MCM4: variants seen among roughly 807,000 people sequenced by gnomAD.
MCM4 encodes the protein minichromosome maintenance complex component 4.
Under a neutral mutation model 88.7 loss-of-function variants are expected in MCM4, and 60 were observed. The observed-to-expected ratio is 0.68, with a 90% CI of 0.55 to 0.84. The LOEUF (loss-of-function observed/expected upper bound fraction) is 0.84, where lower values mean the gene tolerates loss of function less well. Among genes scored for constraint, MCM4 ranks in the 40% least tolerant of loss-of-function variants. The pLI, the probability that MCM4 is intolerant of heterozygous loss-of-function variation, is 0.00. For missense variants in MCM4, 1,149 were observed against 1,105.5 expected (o/e 1.04, Z -0.56); for synonymous variants, 465 against 410.5 (o/e 1.13, Z -1.61).
intron 3 of MCM4, 62 bp from the exon 4 acceptor site, chr8:47,961,991 G>T: frequency 6.7e-7 from 1 of 1,485,592 alleles, no homozygotes; most frequent in Non-Finnish European, 9.4e-7. Flanking sequence ...TAGATCAACA[G>T]ACAACATGCT....
At position 47,961,708 on chromosome 8, in the gene MCM4, T is replaced by C. The variant is rs1452799317; in HGVS notation, c.235+28T>C. On this transcript the variant is annotated intron_variant, in intron 3 of 16. Transcript: ENST00000649973. Reference sequence around the variant, plus strand: ...GCGTGTCTGAAGATCTTGGTTTTGCTGTGCTTGATACACAGCTGATGCTTT... The same window carrying C: ...GCGTGTCTGAAGATCTTGGTTTTGCCGTGCTTGATACACAGCTGATGCTTT... 5.0e-6 allele frequency: 8 copies of C among 1,586,322 alleles called. No homozygotes were observed. In the Admixed American group the frequency reaches 8.7e-5, roughly 17 times the overall value.
intron 13 of MCM4, among the ~76,000 whole-genome samples, chr8:47,971,875 T>A (rs988815193): frequency 6.6e-6 from 1 of 152,224 alleles, no homozygotes; most frequent in African/African-American, 2.4e-5. Context: ...TTGCTTTTTT[T>A]TCTTTTTTTT....
rs1253306492 is a variant in MCM4 at position 47,972,975 on chromosome 8, G to C, written c.2047G>C (p.Asp683His). Residue 683 changes from aspartate (D) to histidine (H), a missense_variant, in exon 14 of 17, where the codon GAC becomes CAC. Around this residue, in one of 3 missense-constraint regions of MCM4, gnomAD observed 238 missense variants for 241.6 expected, o/e 0.99. Coordinates refer to ENST00000649973, the MANE Select transcript of MCM4 (RefSeq NM_182746.3). The stretch of plus-strand genomic sequence containing the variant: ...GGAGCAGGCAGAGGAGGAGCTCCTG[G>C]ACATGGCGGTGCTAAAGGACTACAT... Reference protein sequence around the residue: ...SEEQAEEELLDMAVLKDYIAY... With the variant: ...SEEQAEEELLHMAVLKDYIAY... The C allele has an allele frequency of 6.2e-7, 1 of 1,614,158 alleles. No individual in the cohort carries two copies.
rs984758007 is a variant in MCM4, at chr8:47,962,816, G to A, written c.554G>A (p.Gly185Asp). Reference sequence around the variant, plus strand: ...CTGGCTAAAGAAGAAGAAAATGTTGGCATAGATATTACTGAACCTCTATAC... The same window carrying A: ...CTGGCTAAAGAAGAAGAAAATGTTGACATAGATATTACTGAACCTCTATAC... ...DPLAKEEENV[G>D]IDITEPLYMQ... The change falls in exon 6 of 17, where the codon GGC (glycine) becomes GAC (aspartate). Residue 185 changes from glycine to aspartate, a missense_variant. This residue lies in a region of MCM4 where 906 missense variants were observed against 843.0 expected (regional missense o/e 1.07). Coordinates refer to ENST00000649973, the MANE Select transcript of MCM4 (RefSeq NM_182746.3). The A allele has an allele frequency of 6.2e-7, 1 of 1,609,412 alleles. No homozygotes were observed.
In MCM4 at chr8:47,967,540, T is replaced by C. The variant is rs553324106; in HGVS notation, c.1174+55T>C. On this transcript the variant is annotated intron_variant, in intron 10 of 16. Transcript: ENST00000649973. Reference sequence around the variant, plus strand: ...AGCATGTCTGGCTTGCTTTCAATGCTGTGCTTTAGTGAGTCATTGGACTTG... The same window carrying C: ...AGCATGTCTGGCTTGCTTTCAATGCCGTGCTTTAGTGAGTCATTGGACTTG... 6.0e-5 allele frequency: 97 copies of C among 1,606,822 alleles called. 1 individual carries two copies. The South Asian group carries it at 9.8e-4, about 16-fold the overall frequency.
At chr8:47,972,293 AG>A (rs2090960569) in intron 13 of MCM4, among the ~76,000 whole-genome samples, 1 of 151,616 alleles carries the variant, frequency 6.6e-6, no homozygotes, top group African/African-American at 2.4e-5. Context: ...CGTTTCCCTA[AG>A]GGAAGACTTC....
Position 47,974,903 on chromosome 8 carries a change from TGA to T in MCM4, c.2307_2308del (p.Lys770AlafsTer5), listed in dbSNP as rs960699177. ...GCCAAACGCCTCCATCGGGAAGCTC[TGA>T]AGCAGTCTGCAACTGATCCCCGGAC... On this transcript the variant is annotated frameshift_variant, in exon 15 of 17. Coordinates refer to ENST00000649973, the MANE Select transcript of MCM4 (RefSeq NM_182746.3). LOFTEE classifies it high-confidence loss of function. The T allele has an allele frequency of 6.2e-7, 1 of 1,614,138 alleles. No individual in the cohort carries two copies. The highest frequency in any genetic ancestry group is 8.5e-7 in the Non-Finnish European group (1 of 1,180,050).
At chr8:47,961,422 C>A in intron 2 of MCM4, 94 bp from the exon 3 acceptor site, 1 of 1,603,736 alleles carries the variant, frequency 6.2e-7, no homozygotes, top group South Asian at 1.1e-5. Context: ...TGGTTTGGTT[C>A]AGTGGTGAGT....
chr8:47,961,473 C>T (rs755951368), intron 2 of MCM4, 43 bp from the exon 3 acceptor site: 3 of 1,612,622 alleles, frequency 1.9e-6, no homozygotes, highest in Admixed American at 1.7e-5. Flanking sequence ...GAAGGCCGGC[C>T]CTGAAAGTTA....
chr8:47,965,822 T>C (rs1349599432), intron 8 of MCM4, among the ~76,000 whole-genome samples: 1 of 152,108 alleles, frequency 6.6e-6, no homozygotes, highest in African/African-American at 2.4e-5. Flanking sequence ...TACCACCCCA[T>C]TCTATAGGGG....
rs1164078887 is a variant in MCM4 at position 47,974,879 on chromosome 8, C to T, written c.2282C>T (p.Ala761Val). 6.2e-7 allele frequency: 1 copy of T among 1,614,108 alleles called. No homozygotes were observed. The highest frequency in any genetic ancestry group is 8.5e-7 in the Non-Finnish European group (1 of 1,180,048). Residue 761 changes from alanine to valine, a missense_variant, in exon 15 of 17, where the codon GCC (alanine) becomes GTC (valine). By Grantham distance (64) the Ala-to-Val change is moderately conservative. This residue lies in a region of MCM4 where 238 missense variants were observed against 241.6 expected (regional missense o/e 0.99). Coordinates refer to ENST00000649973, the MANE Select transcript of MCM4 (RefSeq NM_182746.3). ...GTTGAAGCCATTGATGTGGAAGAGG[C>T]CAAACGCCTCCATCGGGAAGCTCTG... is the stretch of plus-strand genomic sequence containing the variant. ...NKVEAIDVEE[A>V]KRLHREALKQ...
At position 47,976,872 on chromosome 8, in the gene MCM4, T is replaced by C. The variant is rs890076958; in HGVS notation, c.*94T>C. The C allele has an allele frequency of 1.3e-6, 1 of 784,934 alleles. No individual in the cohort carries two copies. Among genetic ancestry groups the C allele is most frequent in the Non-Finnish European group, 2.2e-6 (1 of 454,332 alleles). 48.6% of individuals were successfully genotyped at this position (784,934 alleles called of 1,614,324 possible). On this transcript the variant is annotated 3_prime_UTR_variant, in exon 17 of 17. Coordinates refer to ENST00000649973, the MANE Select transcript of MCM4 (RefSeq NM_182746.3). ...CTCAGTTGGCCGCCATCAGTGTAAATAGAGCTTAAAGTCATGGTTTGGCTG... is the reference window on the plus strand; with the variant it reads ...CTCAGTTGGCCGCCATCAGTGTAAACAGAGCTTAAAGTCATGGTTTGGCTG...
chr8:47,975,875 T>G, intron 16 of MCM4, 27 bp downstream of exon 16: 1 of 1,433,868 alleles, frequency 7.0e-7, no homozygotes, highest in East Asian at 2.7e-5. Context: ...ATTTTTTGTT[T>G]GATAGAGCTT....
At chr8:47,961,235 C>T in intron 2 of MCM4, 21 bp downstream of exon 2, 1 of 1,480,266 alleles carries the variant, frequency 6.8e-7, no homozygotes, top group Non-Finnish European at 8.9e-7. Context: ...CGAGCCGGGC[C>T]CACTACAGCC....
Position 47,974,929 on chromosome 8 carries a change from A to G in MCM4, c.2332A>G (p.Thr778Ala). The change falls in exon 15 of 17, where the codon ACT (threonine) becomes GCT (alanine). Residue 778 changes from threonine to alanine, a missense_variant. Around this residue, in one of 3 missense-constraint regions of MCM4, gnomAD observed 238 missense variants for 241.6 expected, o/e 0.99. Coordinates refer to ENST00000649973, the MANE Select transcript of MCM4 (RefSeq NM_182746.3). ...GAAGCAGTCTGCAACTGATCCCCGGACTGGCATCGTGGACATATCTATTCT... is the reference window on the plus strand; with the variant it reads ...GAAGCAGTCTGCAACTGATCCCCGGGCTGGCATCGTGGACATATCTATTCT... Reference protein sequence around the residue: ...ALKQSATDPRTGIVDISILTT... With the variant: ...ALKQSATDPRAGIVDISILTT... 1.2e-6 allele frequency: 2 copies of G among 1,614,210 alleles called. No individual in the cohort carries two copies. The highest frequency in any genetic ancestry group is 2.2e-5 in the South Asian group (2 of 91,086).
Position 47,961,571 on chromosome 8 carries a change from C to T in MCM4, c.126C>T (p.Ser42=), listed in dbSNP as rs2090835931. The T allele has an allele frequency of 6.2e-7, 1 of 1,614,178 alleles. No homozygotes were observed. Among genetic ancestry groups the T allele is most frequent in the East Asian group, 2.2e-5 (1 of 44,878 alleles). The change falls in exon 3 of 17, where the codon TCC becomes TCT. Residue 42 remains serine (S), a synonymous_variant. Coordinates refer to ENST00000649973, the MANE Select transcript of MCM4 (RefSeq NM_182746.3). ...SPSQRRRGED[S]TSTGELQPMP... ...CTCAGAGACGTAGAGGCGAGGATTCCACCTCCACGGGGGAGTTGCAGCCGA... is the reference window on the plus strand; with the variant it reads ...CTCAGAGACGTAGAGGCGAGGATTCTACCTCCACGGGGGAGTTGCAGCCGA...
In MCM4 at chr8:47,961,527, GATGCC is replaced by G; in HGVS notation, c.84_88del (p.Asp28GlufsTer9). On this transcript the variant is annotated frameshift_variant, in exon 3 of 17. Coordinates refer to ENST00000649973, the MANE Select transcript of MCM4 (RefSeq NM_182746.3). LOFTEE classifies it high-confidence loss of function. ...TTGTGTGACACAAGCTCGGAGTGAG[GATGCC>G]AGGTCATCTCCCTCTCAGAGACGTA... The G allele has an allele frequency of 2.5e-6, 4 of 1,614,068 alleles. No homozygotes were observed. Among genetic ancestry groups the G allele is most frequent in the Non-Finnish European group, 3.4e-6 (4 of 1,180,040 alleles).
chr8:47,971,325 C>A lies in MCM4; in HGVS notation c.1801-16C>A, dbSNP rs750255784. 1 of 1,614,058 alleles carries A rather than the reference C, an allele frequency of 6.2e-7. No homozygotes were observed. Among genetic ancestry groups the A allele is most frequent in the Non-Finnish European group, 8.5e-7 (1 of 1,179,994 alleles). On this transcript the variant is annotated splice_polypyrimidine_tract_variant and intron_variant, in intron 12 of 16. Coordinates refer to ENST00000649973, the MANE Select transcript of MCM4 (RefSeq NM_182746.3). ...CGTCAGGGAGAGGCTTCTAACTGCA[C>A]TCTTTGCTCTGATAGGCTGGGATCA...
Position 47,969,894 on chromosome 8 carries a change from C to T in MCM4, c.1271C>T (p.Thr424Met), listed in dbSNP as rs775449641. 6.8e-6 allele frequency: 11 copies of T among 1,614,180 alleles called. No homozygotes were observed. Among genetic ancestry groups the T allele is most frequent in the African/African-American group, 2.7e-5 (2 of 75,034 alleles). ...ATTGATGTCATTCATTATCGGAAAA[C>T]GGATGCAAAACGTCTGCATGGCCTT... ...THIDVIHYRK[T>M]DAKRLHGLDE... The change falls in exon 11 of 17, where the codon ACG becomes ATG. Residue 424 changes from threonine to methionine, a missense_variant. By Grantham distance (81) the Thr-to-Met change is moderately conservative (BLOSUM62 -1). This residue lies in a region of MCM4 where 906 missense variants were observed against 843.0 expected (regional missense o/e 1.07). Coordinates refer to ENST00000649973, the MANE Select transcript of MCM4 (RefSeq NM_182746.3).
Sources: allele counts gnomAD v4.1 joint callset (sites outside exome capture counted in the v4.1 genomes callset), GRCh38; gene constraint gnomAD v4.1.1; regional missense constraint gnomAD v4.1.1; transcripts MANE v1.5; gene names NCBI Gene and HGNC (gene_info 2026-07-23, HGNC 2026-07-21).